SLCO4A1: variants seen among roughly 807,000 people sequenced by gnomAD.
SLCO4A1 encodes colon organic anion transporter.
In SLCO4A1, 51 loss-of-function variants were observed where a neutral mutation model predicts 64.6. The ratio of observed to expected loss-of-function variants is 0.79; its 90% confidence interval spans 0.63 to 1.00. The LOEUF is 1.00. Ranked by LOEUF, SLCO4A1 falls within the 50% of genes least tolerant of loss-of-function variation. The pLI is 0.00. For synonymous variants in SLCO4A1, 471 were observed against 444.9 expected (o/e 1.06, Z -0.74); for missense variants, 919 against 980.5 (o/e 0.94, Z 0.84).
chr20:62,684,900 C>T (rs1987999572), intron 2 of SLCO4A1, among the ~76,000 whole-genome samples: 1 of 152,180 alleles, frequency 6.6e-6, no homozygotes, highest in South Asian at 2.1e-4. Flanking sequence ...CCCGACCACA[C>T]CAGCTGGGCA....
At chr20:62,670,882 A>T (rs924901143) in intron 11 of SLCO4A1, among the ~76,000 whole-genome samples, 1 of 152,246 alleles carries the variant, frequency 6.6e-6, no homozygotes, top group African/African-American at 2.4e-5. Flanking sequence ...CCCTGAATGC[A>T]GGCTCAGGGC....
chr20:62,655,813 T>A (rs974313582), intron 1 of SLCO4A1, among the ~76,000 whole-genome samples: 4 of 152,182 alleles, frequency 2.6e-5, no homozygotes, highest in African/African-American at 9.7e-5. Flanking sequence ...GAGGAGCTCC[T>A]TCCTCACGCC....
downstream of SLCO4A1, chr20:62,672,377 C>A: frequency 1.3e-6 from 1 of 764,422 alleles, no homozygotes; most frequent in Non-Finnish European, 1.6e-6. Flanking sequence ...TGTAGTCAGC[C>A]CTGTGGAATC....
At chr20:62,667,652 C>T (rs1466929147) in intron 7 of SLCO4A1, 93 bp from the exon 8 acceptor site, 6 of 1,438,390 alleles carry the variant, frequency 4.2e-6, no homozygotes, top group Non-Finnish European at 5.7e-6. Context: ...ATGCAGGCTG[C>T]ATGGGGACGA....
At chr20:62,673,956 T>A (rs1987465128), downstream of SLCO4A1, among the ~76,000 whole-genome samples, 1 of 152,192 alleles carries the variant, frequency 6.6e-6, no homozygotes, top group Non-Finnish European at 1.5e-5. Context: ...CAAGGGCCAG[T>A]CCTTTGCCGC....
At chr20:62,665,249 G>A (rs773182674) in intron 6 of SLCO4A1, 161 bp downstream of exon 6, 103 of 723,902 alleles carry the variant, frequency 1.4e-4, no homozygotes, top group Non-Finnish European at 2.1e-4. Flanking sequence ...CGGGGGCTGA[G>A]CGACTCTGTC....
chr20:62,669,131 C>A (rs1172486168), intron 11 of SLCO4A1, 53 bp downstream of exon 11: 12 of 1,555,978 alleles, frequency 7.7e-6, no homozygotes, highest in Admixed American at 1.7e-5. Flanking sequence ...TGGCTGGGGG[C>A]TCCGAACATG....
At chr20:62,688,916 G>A (rs905807457), downstream of SLCO4A1, among the ~76,000 whole-genome samples, 1 of 152,218 alleles carries the variant, frequency 6.6e-6, no homozygotes, top group Admixed American at 6.5e-5. Flanking sequence ...TAAACCGAAC[G>A]AGTACAAGCC....
At chr20:62,656,157 T>C (rs1423999105) in intron 1 of SLCO4A1, among the ~76,000 whole-genome samples, 2 of 152,248 alleles carry the variant, frequency 1.3e-5, no homozygotes, top group Non-Finnish European at 2.9e-5. Flanking sequence ...GCCCCCCACC[T>C]TTCCGCAGCG....
At chr20:62,687,559 G>A (rs138756664), downstream of SLCO4A1, among the ~76,000 whole-genome samples, 745 of 152,374 alleles carry the variant, frequency 4.9e-3, 7 homozygotes, top group African/African-American at 0.016. Context: ...AGGAGGCAGC[G>A]CACGGGGCAG....
At chr20:62,669,445 G>A (rs187422329) in intron 11 of SLCO4A1, among the ~76,000 whole-genome samples, 22 of 152,334 alleles carry the variant, frequency 1.4e-4, no homozygotes, top group East Asian at 7.7e-4. Context: ...CTGTTAGAGC[G>A]GCTTGACTAG....
chr20:62,690,579 C>T (rs115516904), downstream of SLCO4A1, among the ~76,000 whole-genome samples: 1,442 of 152,342 alleles, frequency 9.5e-3, 35 homozygotes, highest in African/African-American at 0.034. Context: ...TTAACATTTC[C>T]ATACTCTGCA....
intron 3 of SLCO4A1, among the ~76,000 whole-genome samples, chr20:62,659,957 T>C (rs1007673824): frequency 1.3e-5 from 2 of 152,246 alleles, no homozygotes; most frequent in Non-Finnish European, 2.9e-5. Flanking sequence ...AAAGCACTTA[T>C]GTGCAAATTG....
chr20:62,652,412 G>A (rs751392033), intron 1 of SLCO4A1, among the ~76,000 whole-genome samples: 3 of 151,822 alleles, frequency 2.0e-5, no homozygotes, highest in East Asian at 3.9e-4. Context: ...TTTCTGTTTC[G>A]GCGGCCGGCG....
At position 62,672,213 on chromosome 20, in the gene SLCO4A1, G is replaced by A; in HGVS notation, c.*320G>A. The A allele has an allele frequency of 7.7e-7, 1 of 1,292,248 alleles. No homozygotes were observed. Among genetic ancestry groups the A allele is most frequent in the East Asian group, 3.8e-5 (1 of 26,466 alleles). The allele number at this position is 1,292,248 out of a possible 1,614,324, so 80.0% of individuals were successfully genotyped here. On this transcript the variant is annotated 3_prime_UTR_variant, in exon 12 of 12. Transcript: ENST00000217159. ...GGCTGTGAATCCCACTGGGAGGGCG[G>A]TGGGCCTGCAGCCTGAGGAAGGCTT...
At chr20:62,648,028 A>T (rs1400310559) in intron 1 of SLCO4A1, among the ~76,000 whole-genome samples, 1 of 152,216 alleles carries the variant, frequency 6.6e-6, no homozygotes, top group Non-Finnish European at 1.5e-5. Context: ...TGACCCATAC[A>T]CAGGCGCACA....
chr20:62,677,609 A>C (rs570296891), intron 2 of SLCO4A1, among the ~76,000 whole-genome samples: 95 of 152,246 alleles, frequency 6.2e-4, no homozygotes, highest in African/African-American at 2.1e-3. Context: ...AGAGACCTGC[A>C]CTCCAACCCC....
In SLCO4A1 at chr20:62,671,792, A is replaced by G. The variant is rs751597449; in HGVS notation, c.2068A>G (p.Lys690Glu). 4.3e-6 allele frequency: 7 copies of G among 1,613,506 alleles called. No individual in the cohort carries two copies. In the Admixed American group the frequency reaches 1.2e-4, roughly 27 times the overall value. The change falls in exon 12 of 12, where the codon AAG becomes GAG. Residue 690 changes from lysine (K) to glutamate (E), a missense_variant. By Grantham distance (56) the Lys-to-Glu change is moderately conservative. Transcript: ENST00000217159. ...LFFAIACFLY[K>E]PLSESSDGLE... Reference sequence around the variant, plus strand: ...CTTTGCCATAGCCTGCTTCTTATACAAGCCCCTGTCGGAGTCTTCAGATGG... The same window carrying G: ...CTTTGCCATAGCCTGCTTCTTATACGAGCCCCTGTCGGAGTCTTCAGATGG...
intron 7 of SLCO4A1, among the ~76,000 whole-genome samples, chr20:62,666,964 G>C (rs1986464089): frequency 6.6e-6 from 1 of 152,166 alleles, no homozygotes; most frequent in Admixed American, 6.5e-5. Context: ...GGAGTGGGAG[G>C]GACACCTGCT....
Sources: gnomAD v4.1 joint callset for allele counts (sites outside exome capture counted in the v4.1 genomes callset) on GRCh38, gnomAD v4.1.1 for gene constraint, MANE v1.5 for transcripts, NCBI Gene and HGNC (gene_info 2026-07-23, HGNC 2026-07-21) for gene names.